LAMC2: variants seen among roughly 807,000 people sequenced by gnomAD.
LAMC2 encodes the protein laminin subunit gamma-2.
LAMC2 carries 97 observed loss-of-function variants against 140.2 expected under a neutral mutation model. That is an observed-to-expected ratio of 0.69 (90% CI 0.59 to 0.82). LAMC2 has a LOEUF of 0.82. Among genes scored for constraint, LAMC2 ranks in the 40% least tolerant of loss-of-function variants. The pLI, the probability that LAMC2 is intolerant of heterozygous loss-of-function variation, is 0.00. For synonymous variants in LAMC2, 513 were observed against 540.2 expected (o/e 0.95, Z 0.70); for missense variants, 1,402 against 1,476.1 (o/e 0.95, Z 0.82).
At chr1:183,224,206 AGT>A (rs1439794694) in intron 7 of LAMC2, among the ~76,000 whole-genome samples, 1 of 152,146 alleles carries the variant, frequency 6.6e-6, no homozygotes, top group Admixed American at 6.5e-5. Flanking sequence ...CAGGGAGAAA[AGT>A]CAGAGAAGGG....
At chr1:183,215,397 C>T in intron 2 of LAMC2, 56 bp from the exon 3 acceptor site, 2 of 1,602,878 alleles carry the variant, frequency 1.2e-6, no homozygotes, top group South Asian at 1.1e-5. Context: ...TCCAATGCCG[C>T]ATACATTAAA....
At chr1:183,222,647 G>A (rs747467702) in intron 6 of LAMC2, among the ~76,000 whole-genome samples, 1 of 151,192 alleles carries the variant, frequency 6.6e-6, no homozygotes, top group Non-Finnish European at 1.5e-5. Flanking sequence ...CTAGAATTCC[G>A]ATCCCAGTTC....
At position 183,235,717 on chromosome 1, in the gene LAMC2, G is replaced by A. The variant is rs149894293; in HGVS notation, c.2443G>A (p.Gly815Arg). 7.6e-5 allele frequency: 123 copies of A among 1,614,044 alleles called. No homozygotes were observed. The Middle Eastern group carries it at 1.2e-3, about 15-fold the overall frequency. Residue 815 changes from glycine (G) to arginine (R), a missense_variant, in exon 16 of 23, where the codon GGG becomes AGG. Gly to Arg is a moderately radical substitution (Grantham distance 125, BLOSUM62 -2). Around this residue, in one of 3 missense-constraint regions of LAMC2, gnomAD observed 670 missense variants for 667.2 expected, o/e 1.00. Transcript: ENST00000264144. ...SGSPDGAVVQ[G>R]LVEKLEKTKS... ...TAGCCCGGACGGTGCTGTGGTGCAA[G>A]GGCTTGTGGAAAAGTACGTTCCTAC... is the stretch of plus-strand genomic sequence containing the variant.
rs772022345 is a variant in LAMC2 at position 183,187,313 on chromosome 1, A to G, written c.79+882A>G. Among the ~76,000 whole-genome samples the G allele has an allele frequency of 7.2e-5, 11 of 152,286 alleles. No homozygotes were observed. In the South Asian group the frequency reaches 1.9e-3, roughly 26 times the overall value. On this transcript the variant is annotated intron_variant, in intron 1 of 22. Coordinates refer to ENST00000264144, the MANE Select transcript of LAMC2 (RefSeq NM_005562.3). The stretch of plus-strand genomic sequence containing the variant: ...AATGCTCACATGCACATGCAATTGT[A>G]TAAGCCATTCCCAATATTATTGTGC...
chr1:183,216,223 CT>C (rs1230487586), intron 3 of LAMC2, among the ~76,000 whole-genome samples: 2 of 152,182 alleles, frequency 1.3e-5, no homozygotes, highest in Non-Finnish European at 2.9e-5. Context: ...GGGACAGGAG[CT>C]GCCCTCCAGC....
Position 183,235,589 on chromosome 1 carries a change from C to T in LAMC2, c.2315C>T (p.Ala772Val). ...TRLAESHVES[A>V]SNMEQLTRET... ...AATCCTTTCAGCCACGTTGAGTCAG[C>T]CAGTAACATGGAGCAACTGACAAGG... The change falls in exon 16 of 23, where the codon GCC (alanine) becomes GTC (valine). Residue 772 changes from alanine to valine, a missense_variant. Around this residue, in one of 3 missense-constraint regions of LAMC2, gnomAD observed 670 missense variants for 667.2 expected, o/e 1.00. Transcript: ENST00000264144. The T allele has an allele frequency of 6.2e-7, 1 of 1,614,172 alleles. No homozygotes were observed.
At chr1:183,222,015 G>A in intron 5 of LAMC2, 74 bp from the exon 6 acceptor site, 1 of 1,595,698 alleles carries the variant, frequency 6.3e-7, no homozygotes, top group Non-Finnish European at 8.6e-7. Context: ...TTGTCGGCAA[G>A]CAAATCTTTC....
rs571242486 is a variant in LAMC2 at position 183,195,165 on chromosome 1, C to T, written c.79+8734C>T. Among the ~76,000 whole-genome samples, 10 of 152,312 alleles carry T rather than the reference C, an allele frequency of 6.6e-5. No individual in the cohort carries two copies. In the East Asian group the frequency reaches 1.5e-3, roughly 23 times the overall value. ...CCTGTTCACTGGGACTTTCTTCCCC[C>T]TCCTCATTGTCTGCCTGGGCACTGG... On this transcript the variant is annotated intron_variant, in intron 1 of 22. Transcript: ENST00000264144.
chr1:183,248,900 G>A (rs200216066), downstream of LAMC2: 7 of 148,506 alleles, frequency 4.7e-5, no homozygotes, highest in South Asian at 1.5e-3. Flanking sequence ...GAGTGTGTGT[G>A]TGTGTGTGTG....
At chr1:183,213,989 C>A (rs1224068688) in intron 2 of LAMC2, among the ~76,000 whole-genome samples, 1 of 151,100 alleles carries the variant, frequency 6.6e-6, no homozygotes, top group African/African-American at 2.4e-5. Flanking sequence ...CGCTTGAACC[C>A]GGAAGGTGGA....
At chr1:183,239,821 G>A in intron 20 of LAMC2, 1 of 656,874 alleles carries the variant, frequency 1.5e-6, no homozygotes, top group South Asian at 1.9e-5. Context: ...GAGAAGCACT[G>A]TCTGGCCGCT....
At position 183,240,085 on chromosome 1, in the gene LAMC2, G is replaced by A; in HGVS notation, c.3115G>A (p.Ala1039Thr). 6.2e-7 allele frequency: 1 copy of A among 1,614,166 alleles called. No homozygotes were observed. The highest frequency in any genetic ancestry group is 2.2e-5 in the East Asian group (1 of 44,884). The change falls in exon 21 of 23, where the codon GCC becomes ACC. Residue 1039 changes from alanine (A) to threonine (T), a missense_variant. By Grantham distance (58) the Ala-to-Thr change is moderately conservative (BLOSUM62 0). This residue lies in a region of LAMC2 where 670 missense variants were observed against 667.2 expected (regional missense o/e 1.00). Coordinates refer to ENST00000264144, the MANE Select transcript of LAMC2 (RefSeq NM_005562.3). ...NLEANVTADG[A>T]LAMEKGLASL... ...GGAAGCCAATGTGACAGCAGATGGAGCCTTGGCCATGGAAAAGGGACTGGC... is the reference window on the plus strand; with the variant it reads ...GGAAGCCAATGTGACAGCAGATGGAACCTTGGCCATGGAAAAGGGACTGGC...
chr1:183,237,976 A>C lies in LAMC2; in HGVS notation c.2755-331A>C, dbSNP rs558593957. 2.0e-5 allele frequency among the ~76,000 whole-genome samples: 3 copies of C among 152,316 alleles called. No individual in the cohort carries two copies. In the East Asian group the frequency reaches 5.8e-4, roughly 29 times the overall value. ...TTAGCTCAGTTCCACCCAGTCGGTC[A>C]GCCCTCAAACCTAGGAATAGGACCT... On this transcript the variant is annotated intron_variant, in intron 18 of 22. Coordinates refer to ENST00000264144, the MANE Select transcript of LAMC2 (RefSeq NM_005562.3).
At chr1:183,186,942 G>A (rs995695183) in intron 1 of LAMC2, among the ~76,000 whole-genome samples, 24 of 152,146 alleles carry the variant, frequency 1.6e-4, no homozygotes, top group African/African-American at 5.5e-4. Context: ...ACTTTTCATA[G>A]TATTTTCATG....
chr1:183,198,390 G>A (rs184382755), intron 1 of LAMC2, among the ~76,000 whole-genome samples: 3 of 152,010 alleles, frequency 2.0e-5, no homozygotes, highest in South Asian at 2.1e-4. Flanking sequence ...TGATCTGCCC[G>A]CCTTGGCCTC....
chr1:183,189,653 A>G (rs775077054), intron 1 of LAMC2, among the ~76,000 whole-genome samples: 2 of 152,206 alleles, frequency 1.3e-5, no homozygotes, highest in Non-Finnish European at 2.9e-5. Flanking sequence ...TCAGCACTTA[A>G]AAAAGAGATA....
intron 2 of LAMC2, among the ~76,000 whole-genome samples, chr1:183,212,020 CT>C (rs1659085269): frequency 1.3e-5 from 2 of 151,740 alleles, no homozygotes; most frequent in South Asian, 2.1e-4. Context: ...TTGAGTGAGA[CT>C]TTGAAGAACC....
chr1:183,236,755 A>T, intron 17 of LAMC2, 151 bp downstream of exon 17: 1 of 929,836 alleles, frequency 1.1e-6, no homozygotes, highest in Non-Finnish European at 1.7e-6. Flanking sequence ...CCTTCTCATT[A>T]CCCATTTGCT....
At chr1:183,233,811 A>C (rs1659867811) in intron 14 of LAMC2, among the ~76,000 whole-genome samples, 1 of 149,510 alleles carries the variant, frequency 6.7e-6, no homozygotes, top group South Asian at 2.1e-4. Context: ...ATGTATATAT[A>C]TTTTAATGCA....
Sources: gnomAD v4.1 joint callset for allele counts (sites outside exome capture counted in the v4.1 genomes callset) on GRCh38, gnomAD v4.1.1 for gene constraint, gnomAD v4.1.1 regional missense constraint, MANE v1.5 for transcripts, NCBI Gene and HGNC (gene_info 2026-07-23, HGNC 2026-07-21) for gene names.